Variants in ECI2 observed in about 807,000 individuals in gnomAD.
ECI2 encodes D3,D2-enoyl-CoA isomerase.
A neutral mutation model predicts 38.4 loss-of-function variants in ECI2; 27 were observed. The observed-to-expected ratio is 0.70, with a 90% confidence interval of 0.52 to 0.97. The LOEUF (loss-of-function observed/expected upper bound fraction) is 0.97. Among genes scored for constraint, ECI2 ranks in the 50% least tolerant of loss-of-function variants. The pLI is 0.00. For missense variants in ECI2, 470 were observed against 474.4 expected, an observed-to-expected ratio of 0.99 and a Z score of 0.09; for synonymous variants, 168 against 172.0, an observed-to-expected ratio of 0.98 and a Z score of 0.18.
Position 4,125,286 on chromosome 6 carries a change from G to A in ECI2, c.759C>T (p.Leu253=). Residue 253 remains leucine, a synonymous_variant, in exon 7 of 10, where the codon CTC becomes CTT. Coordinates refer to ENST00000380118, the MANE Select transcript of ECI2 (RefSeq NM_206836.3). ...CATACACGGCATCGAATAGCCCAAG[G>A]AGGGTGACGGAGATGCCCACAGCTG... ...NGPAVGISVT[L]LGLFDAVYAS... is the part of the protein sequence containing the mutation. 1 of 1,614,174 alleles carries A rather than the reference G, an allele frequency of 6.2e-7. No homozygotes were observed. Among genetic ancestry groups the A allele is most frequent in the Non-Finnish European group, 8.5e-7 (1 of 1,180,042 alleles).
rs534941701 is a variant in ECI2, at chr6:4,135,410, A to G, written c.50+101T>C. 172 of 1,592,186 alleles carry G rather than the reference A, an allele frequency of 1.1e-4. 3 individuals are homozygous for G. In the South Asian group the frequency reaches 1.9e-3, roughly 17 times the overall value. ...GCAAAGCAAAATCCTGTTGCCACCT[A>G]GACAATAGGGAAGGAGGGTCTTCCA... On this transcript the variant is annotated intron_variant, in intron 1 of 9. Coordinates refer to ENST00000380118, the MANE Select transcript of ECI2 (RefSeq NM_206836.3).
intron 9 of ECI2, among the ~76,000 whole-genome samples, 169 bp from the exon 10 acceptor site, chr6:4,116,198 A>T (rs1340708725): frequency 1.3e-5 from 2 of 151,880 alleles, no homozygotes; most frequent in Non-Finnish European, 2.9e-5. Context: ...TAAAAATACA[A>T]AAATTAGCTG....
At chr6:4,129,890 C>T (rs529376894) in intron 4 of ECI2, among the ~76,000 whole-genome samples, 1 of 151,932 alleles carries the variant, frequency 6.6e-6, no homozygotes, top group Non-Finnish European at 1.5e-5. Context: ...CAAAGACTAA[C>T]GTTACCGAGT....
At chr6:4,123,963 T>TA (rs775409140) in intron 7 of ECI2, among the ~76,000 whole-genome samples, 2,308 of 144,644 alleles carry the variant, frequency 0.016, 57 homozygotes, top group African/African-American at 0.052. Context: ...TCCCATCTCT[T>TA]AAAAAAAAAA....
At chr6:4,116,598 C>T (rs1391248459) in intron 9 of ECI2, among the ~76,000 whole-genome samples, 4 of 151,918 alleles carry the variant, frequency 2.6e-5, no homozygotes, top group African/African-American at 9.6e-5. Flanking sequence ...CCCACCACCA[C>T]GCCTGGCTAA....
At chr6:4,121,276 T>C (rs1456925440) in intron 7 of ECI2, among the ~76,000 whole-genome samples, 1 of 152,228 alleles carries the variant, frequency 6.6e-6, no homozygotes, top group Non-Finnish European at 1.5e-5. Context: ...TGTTAAGATA[T>C]TTTCTCCACT....
intron 7 of ECI2, among the ~76,000 whole-genome samples, chr6:4,120,632 C>A (rs1313664477): frequency 6.6e-6 from 1 of 151,264 alleles, no homozygotes; most frequent in Non-Finnish European, 1.5e-5. Flanking sequence ...GAGGCTGAGG[C>A]ACAAGAATTG....
chr6:4,133,608 G>C lies in ECI2; in HGVS notation c.154C>G (p.Leu52Val). The C allele has an allele frequency of 6.2e-7, 1 of 1,613,924 alleles. No homozygotes were observed. The highest frequency in any genetic ancestry group is 2.2e-5 in the East Asian group (1 of 44,864). The change falls in exon 2 of 10, where the codon CTC becomes GTC. Residue 52 changes from leucine (L) to valine (V), a missense_variant. By Grantham distance (32) the Leu-to-Val change is conservative. Transcript: ENST00000380118. ...TCGTTTCCTGGATCCTTTTTCAAGA[G>C]TTTCACTTGATTCATTGAATTTTCA... ...DFENSMNQVK[L>V]LKKDPGNEVK...
intron 2 of ECI2, among the ~76,000 whole-genome samples, chr6:4,133,102 C>T (rs559847852): frequency 6.6e-6 from 1 of 152,226 alleles, no homozygotes; most frequent in Admixed American, 6.5e-5. Flanking sequence ...AGAACTTCAA[C>T]TATCCATGCT....
chr6:4,125,465 C>T (rs986386489), intron 6 of ECI2, 95 bp from the exon 7 acceptor site: 9 of 1,552,602 alleles, frequency 5.8e-6, no homozygotes, highest in Admixed American at 3.5e-5. Flanking sequence ...AGCCTTCTGT[C>T]AGGCTGGGTG....
chr6:4,121,107 C>T (rs531056687), intron 7 of ECI2, among the ~76,000 whole-genome samples: 1 of 152,328 alleles, frequency 6.6e-6, no homozygotes, highest in Admixed American at 6.5e-5. Context: ...CACATCCTCA[C>T]TAAACCTAGC....
In ECI2 at chr6:4,127,801, C is replaced by T; in HGVS notation, c.532G>A (p.Ala178Thr). The change falls in exon 5 of 10, where the codon GCT becomes ACT. Residue 178 changes from alanine (A) to threonine (T), a missense_variant. By Grantham distance (58) the Ala-to-Thr change is moderately conservative. Transcript: ENST00000380118. Reference sequence around the variant, plus strand: ...ATGATTGAGTCATCCTTGCTGGCAGCTTTAAGTGCACGCATAATTTCATGA... The same window carrying T: ...ATGATTGAGTCATCCTTGCTGGCAGTTTTAAGTGCACGCATAATTTCATGA... ...MYHEIMRALK[A>T]ASKDDSIITV... 2 of 1,613,222 alleles carry T rather than the reference C, an allele frequency of 1.2e-6. No individual in the cohort carries two copies. The highest frequency in any genetic ancestry group is 1.7e-6 in the Non-Finnish European group (2 of 1,179,636).
chr6:4,115,934 C>T lies in ECI2; in HGVS notation c.1125G>A (p.Trp375Ter). Residue 375 changes from tryptophan (W) to a stop codon, truncating the protein, a stop_gained, in exon 10 of 10, where the codon TGG (tryptophan) becomes TGA (stop). Coordinates refer to ENST00000380118, the MANE Select transcript of ECI2 (RefSeq NM_206836.3). LOFTEE classifies it low-confidence loss of function (END_TRUNC). ...CAGCATTTGTGCATTCATCTGATAG[C>T]CATCTTCCCTGAAGGACATTGCATT... is the stretch of plus-strand genomic sequence containing the variant. Reference protein sequence around the residue: ...AEECNVLQGRWLSDECTNAVV... With the variant: ...AEECNVLQGR 1 of 1,614,190 alleles carries T rather than the reference C, an allele frequency of 6.2e-7. No individual in the cohort carries two copies. Among genetic ancestry groups the T allele is most frequent in the Non-Finnish European group, 8.5e-7 (1 of 1,180,026 alleles).
At chr6:4,120,128 C>T (rs1025696065) in intron 7 of ECI2, among the ~76,000 whole-genome samples, 2 of 152,272 alleles carry the variant, frequency 1.3e-5, no homozygotes, top group South Asian at 2.1e-4. Context: ...CTGCCACTAG[C>T]AACGTATGAA....
intron 9 of ECI2, among the ~76,000 whole-genome samples, chr6:4,116,561 C>T (rs763572428): frequency 6.6e-5 from 10 of 151,710 alleles, no homozygotes; most frequent in Non-Finnish European, 8.8e-5. Context: ...CCTGCCTCAG[C>T]ATCCAGAGTA....
intron 2 of ECI2, among the ~76,000 whole-genome samples, chr6:4,133,063 C>T (rs1773567064): frequency 6.6e-6 from 1 of 152,008 alleles, no homozygotes; most frequent in Admixed American, 6.6e-5. Flanking sequence ...CATGCCTGGC[C>T]TCATCTATCC....
intron 4 of ECI2, 149 bp from the exon 5 acceptor site, chr6:4,127,980 C>A: frequency 3.1e-6 from 2 of 643,740 alleles, no homozygotes; most frequent in East Asian, 3.0e-5. Context: ...AAAGGTGGAC[C>A]AACATAACTG....
intron 7 of ECI2, among the ~76,000 whole-genome samples, chr6:4,120,862 G>GA (rs978358560): frequency 6.6e-6 from 1 of 151,888 alleles, no homozygotes; most frequent in African/African-American, 2.4e-5. Context: ...CAATGAAACT[G>GA]AAAAAAAATT....
chr6:4,127,729 A>T, intron 5 of ECI2, 33 bp downstream of exon 5: 1 of 1,600,598 alleles, frequency 6.2e-7, no homozygotes, highest in South Asian at 1.1e-5. Context: ...TCAAAATAGA[A>T]ATTTAATTAG....
Sources: gnomAD v4.1 joint callset for allele counts (sites outside exome capture counted in the v4.1 genomes callset) on GRCh38, gnomAD v4.1.1 for gene constraint, MANE v1.5 for transcripts, NCBI Gene and HGNC (gene_info 2026-07-23, HGNC 2026-07-21) for gene names.